ADAMTSL1: variants seen among roughly 807,000 people sequenced by gnomAD.
The protein encoded by ADAMTSL1 is ADAMTS like 1.
In ADAMTSL1, 126 loss-of-function variants were observed where a neutral mutation model predicts 201.8. The ratio of observed to expected loss-of-function variants is 0.62; its 90% confidence interval spans 0.54 to 0.72. The LOEUF (loss-of-function observed/expected upper bound fraction) is 0.72, where lower values mean the gene tolerates loss of function less well. Ranked by LOEUF, ADAMTSL1 falls within the 30% of genes least tolerant of loss-of-function variation. The probability of loss-of-function intolerance (pLI) is 0.00; values close to 1 mark genes in which losing one functional copy is unlikely to be tolerated. For missense variants in ADAMTSL1, 2,679 were observed against 2,277.8 expected (o/e 1.18, Z -3.59); for synonymous variants, 1,121 against 903.4 (o/e 1.24, Z -4.32).
intron 20 of ADAMTSL1, among the ~76,000 whole-genome samples, chr9:18,802,756 T>C (rs183904910): frequency 6.6e-6 from 1 of 152,320 alleles, no homozygotes; most frequent in South Asian, 2.1e-4. Context: ...GTTTGGCGCA[T>C]TTATGTTTAC....
intron 1 of ADAMTSL1, among the ~76,000 whole-genome samples, chr9:17,984,141 C>T (rs919779231): frequency 3.3e-5 from 5 of 152,092 alleles, no homozygotes; most frequent in Non-Finnish European, 7.4e-5. Context: ...CAAAAACTTA[C>T]TTTAGCAATT....
chr9:18,879,792 C>T (rs1327986292), intron 23 of ADAMTSL1, among the ~76,000 whole-genome samples: 1 of 152,190 alleles, frequency 6.6e-6, no homozygotes, highest in Non-Finnish European at 1.5e-5. Context: ...AAGTTTGCTG[C>T]ATCGATTGAT....
At chr9:18,570,869 C>A (rs931039499) in intron 3 of ADAMTSL1, among the ~76,000 whole-genome samples, 7 of 152,152 alleles carry the variant, frequency 4.6e-5, no homozygotes, top group Admixed American at 2.6e-4. Context: ...CTTCTCAGAC[C>A]TATTTCTCTA....
rs1211417276 is a variant in ADAMTSL1 at position 18,889,551 on chromosome 9, T to C, written c.4463-17T>C. The C allele has an allele frequency of 1.9e-6, 3 of 1,612,438 alleles. No homozygotes were observed. Among genetic ancestry groups the C allele is most frequent in the East Asian group, 2.2e-5 (1 of 44,682 alleles). On this transcript the variant is annotated splice_polypyrimidine_tract_variant and intron_variant, in intron 24 of 28. Transcript: ENST00000380548. ...TATGCTATATTCTTTTCTACACTGCTCCTCCTCCCATGACAGATTACTGGT... is the reference window on the plus strand; with the variant it reads ...TATGCTATATTCTTTTCTACACTGCCCCTCCTCCCATGACAGATTACTGGT...
intron 4 of ADAMTSL1, among the ~76,000 whole-genome samples, chr9:18,596,186 G>A (rs956916128): frequency 2.0e-5 from 3 of 152,206 alleles, no homozygotes; most frequent in Non-Finnish European, 4.4e-5. Flanking sequence ...GTTCTGCCGT[G>A]TGGGTCTGAA....
chr9:18,778,771 C>A (rs1821213117), intron 19 of ADAMTSL1, among the ~76,000 whole-genome samples: 1 of 152,146 alleles, frequency 6.6e-6, no homozygotes, highest in Non-Finnish European at 1.5e-5. Context: ...ACAGGAAATA[C>A]ATAAAGTTAA....
At chr9:18,818,175 G>T (rs907804006) in intron 21 of ADAMTSL1, among the ~76,000 whole-genome samples, 14 of 152,202 alleles carry the variant, frequency 9.2e-5, no homozygotes, top group African/African-American at 2.9e-4. Flanking sequence ...ATGGGATGAA[G>T]AAATGAATGG....
chr9:18,133,096 G>A (rs963508160), intron 1 of ADAMTSL1, among the ~76,000 whole-genome samples: 1 of 152,090 alleles, frequency 6.6e-6, no homozygotes, highest in African/African-American at 2.4e-5. Flanking sequence ...AAGAAGCTAA[G>A]GTTCAGACTC....
chr9:18,142,040 G>A (rs1031718440), intron 1 of ADAMTSL1, among the ~76,000 whole-genome samples: 1 of 152,224 alleles, frequency 6.6e-6, no homozygotes, highest in African/African-American at 2.4e-5. Flanking sequence ...GTAAGTGAGA[G>A]TTCTTGTCCT....
chr9:18,842,059 T>C (rs1485153363), intron 23 of ADAMTSL1, among the ~76,000 whole-genome samples: 7 of 151,324 alleles, frequency 4.6e-5, no homozygotes, highest in African/African-American at 1.7e-4. Context: ...CTGATTTTAG[T>C]TATTTCTTGC....
chr9:18,399,562 G>C (rs1160336639), intron 2 of ADAMTSL1, among the ~76,000 whole-genome samples: 1 of 151,192 alleles, frequency 6.6e-6, no homozygotes, highest in Non-Finnish European at 1.5e-5. Context: ...GGTGAACCAG[G>C]CTGGTCTCGA....
chr9:18,235,580 G>A (rs1830815966), intron 2 of ADAMTSL1, among the ~76,000 whole-genome samples: 2 of 152,186 alleles, frequency 1.3e-5, no homozygotes, highest in South Asian at 4.1e-4. Context: ...TTGCCAACCA[G>A]ACATTGGGCT....
intron 3 of ADAMTSL1, among the ~76,000 whole-genome samples, chr9:18,552,439 C>G (rs576496518): frequency 5.3e-5 from 8 of 151,646 alleles, no homozygotes; most frequent in Non-Finnish European, 1.2e-4. Flanking sequence ...CCAAAATGGT[C>G]TTTTTATTCC....
At chr9:18,262,257 G>A (rs1831953385) in intron 2 of ADAMTSL1, among the ~76,000 whole-genome samples, 1 of 152,094 alleles carries the variant, frequency 6.6e-6, no homozygotes, top group Non-Finnish European at 1.5e-5. Flanking sequence ...ATATTAGGGG[G>A]TGGTGGAGAC....
intron 14 of ADAMTSL1, among the ~76,000 whole-genome samples, chr9:18,709,510 AG>A (rs1832428663): frequency 6.6e-6 from 1 of 152,358 alleles, no homozygotes; most frequent in Non-Finnish European, 1.5e-5. Context: ...TTCACCTAGC[AG>A]AGGTAGCAAC....
At chr9:18,606,059 G>A (rs1221628002) in intron 4 of ADAMTSL1, among the ~76,000 whole-genome samples, 2 of 152,146 alleles carry the variant, frequency 1.3e-5, no homozygotes, top group Non-Finnish European at 2.9e-5. Context: ...AGGGCTTGGC[G>A]AGAAGGTCTC....
At chr9:18,103,650 A>G (rs1824630796) in intron 1 of ADAMTSL1, among the ~76,000 whole-genome samples, 1 of 152,194 alleles carries the variant, frequency 6.6e-6, no homozygotes, top group African/African-American at 2.4e-5. Context: ...CTATCATTGT[A>G]GGTTTCTTAT....
intron 2 of ADAMTSL1, among the ~76,000 whole-genome samples, chr9:18,449,991 C>T (rs1233168037): frequency 6.6e-6 from 1 of 152,116 alleles, no homozygotes; most frequent in Non-Finnish European, 1.5e-5. Flanking sequence ...AAATATACAC[C>T]TAGCATAAAA....
intron 1 of ADAMTSL1, among the ~76,000 whole-genome samples, chr9:18,493,781 G>A (rs1267705415): frequency 6.6e-6 from 1 of 152,112 alleles, no homozygotes; most frequent in Non-Finnish European, 1.5e-5. Context: ...AATGTATATG[G>A]ACAAGAGTGA....
Sources: gnomAD v4.1 joint callset for allele counts (sites outside exome capture counted in the v4.1 genomes callset) on GRCh38, gnomAD v4.1.1 for gene constraint, MANE v1.5 for transcripts, NCBI Gene and HGNC (gene_info 2026-07-23, HGNC 2026-07-21) for gene names.